CAB39L: variants seen among roughly 807,000 people sequenced by gnomAD.
CAB39L encodes calcium-binding protein 39-like.
A neutral mutation model predicts 39.1 loss-of-function variants in CAB39L; 23 were observed. That is an observed-to-expected ratio of 0.59 (90% CI 0.42 to 0.83). CAB39L has a LOEUF of 0.83. CAB39L is among the 40% of genes least tolerant of loss of function. The probability of loss-of-function intolerance (pLI) is 0.00; values close to 1 mark genes in which losing one functional copy is unlikely to be tolerated. For synonymous variants in CAB39L, 126 were observed against 137.2 expected, an observed-to-expected ratio of 0.92 and a Z score of 0.57; for missense variants, 366 against 391.9, an observed-to-expected ratio of 0.93 and a Z score of 0.56.
intron 9 of CAB39L, among the ~76,000 whole-genome samples, chr13:49,338,709 T>C (rs1424244446): frequency 6.6e-6 from 1 of 152,224 alleles, no homozygotes; most frequent in South Asian, 2.1e-4. Flanking sequence ...TGCGATCATG[T>C]AGTCTTCTGA....
chr13:49,433,980 C>T, intron 2 of CAB39L, 106 bp downstream of exon 2: 3 of 344,166 alleles, frequency 8.7e-6, no homozygotes, highest in Non-Finnish European at 1.7e-5. Context: ...TAGTTCGCAC[C>T]TTTACTAATT....
chr13:49,350,632 T>A, intron 7 of CAB39L, 112 bp downstream of exon 7: 1 of 673,762 alleles, frequency 1.5e-6, no homozygotes, highest in Non-Finnish European at 2.5e-6. Context: ...CATACATGGT[T>A]GGCTACACTG....
chr13:49,369,755 T>A (rs1955865799), intron 5 of CAB39L, among the ~76,000 whole-genome samples: 1 of 151,990 alleles, frequency 6.6e-6, no homozygotes, highest in Non-Finnish European at 1.5e-5. Flanking sequence ...ACCCGGCTAA[T>A]TTTTGTATTT....
At chr13:49,416,363 T>C (rs1322793) in intron 3 of CAB39L, among the ~76,000 whole-genome samples, 82,882 of 152,126 alleles carry the variant, frequency 0.54, 22,706 homozygotes, top group South Asian at 0.64. Context: ...AGCTAACATG[T>C]GTGCAAGTAA....
Position 49,310,968 on chromosome 13 carries a change from G to A in CAB39L, c.860C>T (p.Thr287Ile). 6.2e-7 allele frequency: 1 copy of A among 1,613,878 alleles called. No individual in the cohort carries two copies. Among genetic ancestry groups the A allele is most frequent in the Non-Finnish European group, 8.5e-7 (1 of 1,179,922 alleles). The change falls in exon 11 of 11, where the codon ACA becomes ATA. Residue 287 changes from threonine (T) to isoleucine (I), a missense_variant. By Grantham distance (89) the Thr-to-Ile change is moderately conservative. Coordinates refer to ENST00000409308, the MANE Select transcript of CAB39L (RefSeq NM_001079670.3). The stretch of plus-strand genomic sequence containing the variant: ...TAACAGGATCTCCACAATAGGCTGT[G>A]TTTTGTGAGGACTGGCCACAAACAC... ...FKVFVASPHK[T>I]QPIVEILLKN...
chr13:49,336,434 G>A (rs370428262), intron 9 of CAB39L, among the ~76,000 whole-genome samples: 2 of 152,116 alleles, frequency 1.3e-5, no homozygotes, highest in African/African-American at 4.8e-5. Context: ...ATTTTAGGAG[G>A]AATAGCAGCC....
chr13:49,346,120 T>TATATATATATATATATATATATATATATC lies in CAB39L; in HGVS notation c.565-1883_565-1882insGATATATATATATATATATATATATATAT, dbSNP rs10663110. Among the ~76,000 whole-genome samples the TATATATATATATATATATATATATATATC allele has an allele frequency of 5.3e-3, 471 of 88,400 alleles. 40 individuals are homozygous for TATATATATATATATATATATATATATATC. The highest frequency in any genetic ancestry group is 6.4e-3 in the African/African-American group (144 of 22,430). 58.0% of individuals were successfully genotyped at this position (88,400 alleles called of 152,430 possible). On this transcript the variant is annotated intron_variant, in intron 7 of 10. Transcript: ENST00000409308. The stretch of plus-strand genomic sequence containing the variant: ...TGCTAGATATATATATATATATATA[T>TATATATATATATATATATATATATATATC]ATATCATGGATACAGCCAATAAACA...
intron 3 of CAB39L, chr13:49,393,020 A>T (rs2138626869): frequency 6.6e-6 from 1 of 152,290 alleles, no homozygotes; most frequent in African/African-American, 2.4e-5. Context: ...TACTAAAAGG[A>T]GGTATAAAAC....
At chr13:49,338,620 G>A (rs964197950) in intron 9 of CAB39L, among the ~76,000 whole-genome samples, 3 of 151,776 alleles carry the variant, frequency 2.0e-5, no homozygotes, top group African/African-American at 4.8e-5. Flanking sequence ...CCTGCACAAT[G>A]TGCACATGTA....
At chr13:49,357,413 G>C (rs146574348) in intron 6 of CAB39L, among the ~76,000 whole-genome samples, 273 of 152,244 alleles carry the variant, frequency 1.8e-3, no homozygotes, top group Non-Finnish European at 3.2e-3. Flanking sequence ...ATGAGTAAAT[G>C]GTTTATACAA....
intron 3 of CAB39L, among the ~76,000 whole-genome samples, chr13:49,422,801 A>G (rs1389665115): frequency 6.6e-6 from 1 of 152,114 alleles, no homozygotes; most frequent in Non-Finnish European, 1.5e-5. Flanking sequence ...AATTCCTTGC[A>G]CTTCTCAAAT....
At chr13:49,416,679 C>T (rs868462468) in intron 3 of CAB39L, among the ~76,000 whole-genome samples, 3 of 152,180 alleles carry the variant, frequency 2.0e-5, no homozygotes, top group Non-Finnish European at 2.9e-5. Flanking sequence ...TACTTAACCT[C>T]TCTGGGCCCC....
chr13:49,430,550 A>C (rs1005235968), intron 3 of CAB39L, among the ~76,000 whole-genome samples: 1 of 152,068 alleles, frequency 6.6e-6, no homozygotes, highest in Non-Finnish European at 1.5e-5. Context: ...TCTTCCTACT[A>C]ACTATACATT....
intron 4 of CAB39L, among the ~76,000 whole-genome samples, chr13:49,379,503 TC>T (rs1956206930): frequency 2.2e-5 from 1 of 44,746 alleles, no homozygotes; most frequent in Admixed American, 2.0e-4. Flanking sequence ...GGCAGCGTGC[TC>T]GTTAAGAGTC....
At chr13:49,349,990 G>T (rs913833652) in intron 7 of CAB39L, among the ~76,000 whole-genome samples, 2 of 151,974 alleles carry the variant, frequency 1.3e-5, no homozygotes, top group Non-Finnish European at 2.9e-5. Context: ...ACATTTTTTT[G>T]ATGATAAAAT....
chr13:49,417,469 C>A (rs1341389788), intron 3 of CAB39L, among the ~76,000 whole-genome samples: 1 of 152,084 alleles, frequency 6.6e-6, no homozygotes, highest in Non-Finnish European at 1.5e-5. Context: ...ACTACTGTAC[C>A]AGATAGAAAT....
intron 1 of CAB39L, among the ~76,000 whole-genome samples, chr13:49,443,767 A>G (rs909269427): frequency 1.3e-5 from 2 of 152,046 alleles, no homozygotes; most frequent in African/African-American, 4.8e-5. Context: ...CACCACCACC[A>G]CCACCACCAT....
chr13:49,379,706 TAA>T (rs1382569023), intron 4 of CAB39L, among the ~76,000 whole-genome samples: 3 of 28,802 alleles, frequency 1.0e-4, no homozygotes, highest in African/African-American at 6.6e-4. Flanking sequence ...AAAATAAATT[TAA>T]AAAAAAAAAA....
At chr13:49,424,314 C>T (rs1566134404) in intron 3 of CAB39L, among the ~76,000 whole-genome samples, 2 of 152,212 alleles carry the variant, frequency 1.3e-5, no homozygotes, top group Non-Finnish European at 1.5e-5. Context: ...CCTCAAAACT[C>T]GTAACCCCAG....
Sources: gnomAD v4.1 joint callset for allele counts (sites outside exome capture counted in the v4.1 genomes callset) on GRCh38, gnomAD v4.1.1 for gene constraint, MANE v1.5 for transcripts, NCBI Gene and HGNC (gene_info 2026-07-23, HGNC 2026-07-21) for gene names.